RAB40C: variants seen among roughly 807,000 people sequenced by gnomAD.
RAB40C encodes ras-related protein Rab-40C.
In RAB40C, 8 loss-of-function variants were observed where a neutral mutation model predicts 28.1. That is an observed-to-expected ratio of 0.28 (90% CI 0.17 to 0.51). The LOEUF is 0.51. RAB40C is among the 20% of genes least tolerant of loss of function. The pLI is 0.97. For synonymous variants in RAB40C, 201 were observed against 171.7 expected, an observed-to-expected ratio of 1.17 and a Z score of -1.34; for missense variants, 288 against 405.9, an observed-to-expected ratio of 0.71 and a Z score of 2.50.
In RAB40C at chr16:617,318, G is replaced by A. The variant is rs575984568; in HGVS notation, c.203+50G>A. On this transcript the variant is annotated intron_variant, in intron 2 of 5. Coordinates refer to ENST00000248139, the MANE Select transcript of RAB40C (RefSeq NM_021168.5). ...GTTCCTGGGTGAGGACACAAATGCC[G>A]AAGGGAGAACAGAACCCTTAGAGAA... The A allele has an allele frequency of 1.2e-5, 20 of 1,602,202 alleles. No homozygotes were observed. The East Asian group carries it at 1.8e-4, about 14-fold the overall frequency.
At chr16:607,859 CGAA>C (rs1456373382) in intron 1 of RAB40C, among the ~76,000 whole-genome samples, 10 of 152,230 alleles carry the variant, frequency 6.6e-5, no homozygotes, top group African/African-American at 2.4e-4. Context: ...GAAAAGAAAA[CGAA>C]GTCGCACCTA....
At chr16:593,706 C>T (rs910229986) in intron 1 of RAB40C, among the ~76,000 whole-genome samples, 16 of 152,244 alleles carry the variant, frequency 1.1e-4, no homozygotes, top group Non-Finnish European at 1.9e-4. Context: ...TGTGACCACA[C>T]GCCCAGCACC....
In RAB40C at chr16:609,917, C is replaced by T. The variant is rs537647986; in HGVS notation, c.143-7291C>T. 1.1e-4 allele frequency among the ~76,000 whole-genome samples: 16 copies of T among 152,174 alleles called. 1 individual carries two copies. The Middle Eastern group carries it at 0.02, about 194-fold the overall frequency. On this transcript the variant is annotated intron_variant, in intron 1 of 5. Coordinates refer to ENST00000248139, the MANE Select transcript of RAB40C (RefSeq NM_021168.5). The stretch of plus-strand genomic sequence containing the variant: ...AGGATGTGTCTCCAGACTGCAAGGG[C>T]CACAGAGTACGAAAAAGACCACCCA...
intron 1 of RAB40C, among the ~76,000 whole-genome samples, chr16:603,739 T>C (rs2384973): frequency 0.18 from 26,683 of 151,890 alleles, 2,559 homozygotes; most frequent in South Asian, 0.26. Context: ...GCACATCCAC[T>C]CTCCTCCCAG....
At chr16:598,239 A>T (rs552299827) in intron 1 of RAB40C, among the ~76,000 whole-genome samples, 1 of 152,108 alleles carries the variant, frequency 6.6e-6, no homozygotes, top group African/African-American at 2.4e-5. Context: ...TTAGCTGGGC[A>T]TGGTGGCGGG....
At position 625,723 on chromosome 16, in the gene RAB40C, G is replaced by A. The variant is rs554256804; in HGVS notation, c.343-176G>A. On this transcript the variant is annotated intron_variant, in intron 4 of 5. Transcript: ENST00000248139. ...AAGACCAGGAGCTACGGGGCCACCCGGAAGGGCTGCACTGTAGGGCCTGAG... is the reference window on the plus strand; with the variant it reads ...AAGACCAGGAGCTACGGGGCCACCCAGAAGGGCTGCACTGTAGGGCCTGAG... 1.9e-4 allele frequency: 157 copies of A among 833,276 alleles called. 1 individual carries two copies. Among genetic ancestry groups the A allele is most frequent in the South Asian group, 1.8e-3 (104 of 59,386 alleles). 51.6% of individuals were successfully genotyped at this position (833,276 alleles called of 1,614,324 possible).
At chr16:625,079 C>T (rs968112049) in intron 3 of RAB40C, 41 of 1,289,028 alleles carry the variant, frequency 3.2e-5, no homozygotes, top group Non-Finnish European at 4.0e-5. Flanking sequence ...GATGGACTGG[C>T]CGAGAGGACA....
chr16:627,862 G>C lies in RAB40C; in HGVS notation c.*240G>C, dbSNP rs2036875392. On this transcript the variant is annotated 3_prime_UTR_variant, in exon 6 of 6. Transcript: ENST00000248139. ...TTCCGGGAATCTTGGTCGGAAACAA[G>C]CCGGGCCTCCCCAGCTGCCTGGGCT... 6.4e-6 allele frequency: 3 copies of C among 470,006 alleles called. No individual in the cohort carries two copies. In the East Asian group the frequency reaches 1.0e-4, roughly 16 times the overall value. 29.1% of individuals were successfully genotyped at this position (470,006 alleles called of 1,614,324 possible). A position where few individuals can be genotyped will look rare whatever the true frequency, so the allele number is the denominator to read the frequency against.
At position 627,492 on chromosome 16, in the gene RAB40C, G is replaced by A. The variant is rs759820839; in HGVS notation, c.716G>A (p.Arg239His). ...NGMNAVMMHG[R>H]SYSLASGAGG... The stretch of plus-strand genomic sequence containing the variant: ...ATGAACGCGGTCATGATGCACGGCC[G>A]TTCCTACTCCCTGGCCAGCGGGGCC... Residue 239 changes from arginine to histidine, a missense_variant, in exon 6 of 6, where the codon CGT (arginine) becomes CAT (histidine). This residue lies in a region of RAB40C where 153 missense variants were observed against 262.4 expected (regional missense o/e 0.58). Transcript: ENST00000248139. 3.7e-6 allele frequency: 6 copies of A among 1,613,926 alleles called. No individual in the cohort carries two copies. The highest frequency in any genetic ancestry group is 1.1e-5 in the South Asian group (1 of 91,090).
rs2036763989 is a variant in RAB40C, at chr16:623,470, A to C, written c.265-1962A>C. Among the ~76,000 whole-genome samples the C allele has an allele frequency of 2.0e-5, 3 of 151,790 alleles. No individual in the cohort carries two copies. The South Asian group carries it at 6.2e-4, about 32-fold the overall frequency. On this transcript the variant is annotated intron_variant, in intron 3 of 5. Coordinates refer to ENST00000248139, the MANE Select transcript of RAB40C (RefSeq NM_021168.5). ...CAAGACCATCCTGGCTAACACGGTG[A>C]AACCCTGTCTCTACTAAAAAAAAAT...
intron 1 of RAB40C, among the ~76,000 whole-genome samples, chr16:603,589 C>G (rs1384710127): frequency 2.0e-5 from 3 of 152,106 alleles, no homozygotes; most frequent in Non-Finnish European, 4.4e-5. Flanking sequence ...AGATCAATGC[C>G]CTGTGGGTTT....
At position 623,793 on chromosome 16, in the gene RAB40C, A is replaced by T. The variant is rs564050778; in HGVS notation, c.265-1639A>T. The T allele has an allele frequency of 9.7e-5, 23 of 237,198 alleles. 1 individual carries two copies. Among genetic ancestry groups the T allele is most frequent in the African/African-American group, 5.3e-4 (23 of 43,088 alleles). The allele number at this position is 237,198 out of a possible 1,614,324, so 14.7% of individuals were successfully genotyped here. A position where few individuals can be genotyped will look rare whatever the true frequency, so the allele number is the denominator to read the frequency against. On this transcript the variant is annotated intron_variant, in intron 3 of 5. Transcript: ENST00000248139. ...AAGATCCCATCTCTAAAAAATGTTT[A>T]AAAAAACTTAGCCAGATGTGGTGGT...
chr16:627,198 C>T (rs777469578), intron 5 of RAB40C, 144 bp from the exon 6 acceptor site: 44 of 769,052 alleles, frequency 5.7e-5, no homozygotes, highest in Non-Finnish European at 8.2e-5. Context: ...GAAGTTTGGG[C>T]GTCCAGGTCC....
At chr16:591,044 A>G (rs4984670) in intron 1 of RAB40C, among the ~76,000 whole-genome samples, 59,618 of 142,030 alleles carry the variant, frequency 0.42, 12,467 homozygotes, top group East Asian at 0.64. Flanking sequence ...GGGTCCGAGG[A>G]AAGGTGTCAT....
intron 1 of RAB40C, among the ~76,000 whole-genome samples, chr16:591,378 C>T (rs545568655): frequency 6.6e-6 from 1 of 151,428 alleles, no homozygotes; most frequent in South Asian, 2.1e-4. Flanking sequence ...GTCATGGGCC[C>T]GGGGAAGGTG....
At chr16:614,391 C>T (rs2036544935) in intron 1 of RAB40C, among the ~76,000 whole-genome samples, 1 of 100,818 alleles carries the variant, frequency 9.9e-6, no homozygotes, top group East Asian at 3.0e-4. Context: ...TGGTGAACTG[C>T]CTAAACCTCG....
At chr16:625,817 A>T in intron 4 of RAB40C, 82 bp from the exon 5 acceptor site, 1 of 1,327,790 alleles carries the variant, frequency 7.5e-7, no homozygotes, top group East Asian at 2.5e-5. Context: ...ATCATAGTCC[A>T]GACAATGAGG....
chr16:595,784 G>A (rs1007876940), intron 1 of RAB40C, among the ~76,000 whole-genome samples: 4 of 151,970 alleles, frequency 2.6e-5, no homozygotes, highest in Admixed American at 6.6e-5. Flanking sequence ...TGTATTTGTA[G>A]TAGAGATGGG....
intron 5 of RAB40C, among the ~76,000 whole-genome samples, chr16:626,790 T>C (rs917105296): frequency 6.6e-6 from 1 of 151,984 alleles, no homozygotes; most frequent in Non-Finnish European, 1.5e-5. Flanking sequence ...ATACAAAAAT[T>C]AACCGGGCGT....
Sources: allele counts gnomAD v4.1 joint callset (sites outside exome capture counted in the v4.1 genomes callset), GRCh38; gene constraint gnomAD v4.1.1; regional missense constraint gnomAD v4.1.1; transcripts MANE v1.5; gene names NCBI Gene and HGNC (gene_info 2026-07-23, HGNC 2026-07-21).